The following UBE2Q1 variants were observed in gnomAD, a reference collection of about 807,000 sequenced individuals.
The protein encoded by UBE2Q1 is ubiquitin-conjugating enzyme E2 Q1.
Under a neutral mutation model 60.1 loss-of-function variants are expected in UBE2Q1, and 6 were observed. The observed-to-expected ratio is 0.10, with a 90% CI of 0.05 to 0.20. The LOEUF (loss-of-function observed/expected upper bound fraction) is 0.20. Among genes scored for constraint, UBE2Q1 ranks in the 10% least tolerant of loss-of-function variants. The pLI is 1.00. For synonymous variants in UBE2Q1, 226 were observed against 208.3 expected (o/e 1.09, Z -0.73); for missense variants, 262 against 525.8 (o/e 0.50, Z 4.91).
intron 2 of UBE2Q1, 138 bp from the exon 3 acceptor site, chr1:154,555,670 G>A: frequency 1.1e-6 from 1 of 950,426 alleles, no homozygotes; most frequent in Non-Finnish European, 1.6e-6. Flanking sequence ...GTGGGAATGA[G>A]TCTCCTGATG....
In UBE2Q1 at chr1:154,551,383, A is replaced by C; in HGVS notation, c.1170+14T>G. On this transcript the variant is annotated intron_variant, in intron 11 of 12. Transcript: ENST00000292211. ...TCCACCCAGCCCCACCAGCCCCAGG[A>C]CCAGGATCCTTACTTTGTTGGCTCC... 1.2e-6 allele frequency: 2 copies of C among 1,613,362 alleles called. No individual in the cohort carries two copies. Among genetic ancestry groups the C allele is most frequent in the Non-Finnish European group, 1.7e-6 (2 of 1,179,742 alleles).
intron 12 of UBE2Q1, 197 bp from the exon 13 acceptor site, chr1:154,550,666 G>T: frequency 1.0e-6 from 1 of 985,392 alleles, no homozygotes; most frequent in Non-Finnish European, 1.2e-6. Flanking sequence ...CCCAACCTGA[G>T]ATGATGGGAG....
Position 154,552,475 on chromosome 1 carries a change from G to A in UBE2Q1, c.815-11C>T, listed in dbSNP as rs894316227. On this transcript the variant is annotated splice_polypyrimidine_tract_variant and intron_variant, in intron 6 of 12. Transcript: ENST00000292211. ...CGACTGCATAGTTTCCTGGAAGGAG[G>A]GAAAAAACAGGTGTTAGTAGAATGG... 3 of 1,613,534 alleles carry A rather than the reference G, an allele frequency of 1.9e-6. No homozygotes were observed. Among genetic ancestry groups the A allele is most frequent in the African/African-American group, 2.7e-5 (2 of 74,852 alleles).
intron 10 of UBE2Q1, 137 bp downstream of exon 10, chr1:154,551,634 G>A (rs1234745411): frequency 1.4e-6 from 2 of 1,451,268 alleles, no homozygotes; most frequent in African/African-American, 2.8e-5. Context: ...GTCTGTCTAG[G>A]TCAGTGGGTG....
At chr1:154,551,576 T>C (rs1695790688) in intron 10 of UBE2Q1, 84 bp from the exon 11 acceptor site, 1 of 1,511,518 alleles carries the variant, frequency 6.6e-7, no homozygotes, top group South Asian at 1.1e-5. Context: ...CAATCAGCTG[T>C]GTCTATAGGA....
intron 5 of UBE2Q1, 64 bp from the exon 6 acceptor site, chr1:154,552,884 T>C (rs1695816765): frequency 1.3e-6 from 2 of 1,599,976 alleles, no homozygotes; most frequent in Non-Finnish European, 1.7e-6. Context: ...CGTTAGACCT[T>C]AGGGGCAGTC....
At chr1:154,555,608 T>C in intron 2 of UBE2Q1, 76 bp from the exon 3 acceptor site, 1 of 1,428,170 alleles carries the variant, frequency 7.0e-7, no homozygotes. Context: ...GAGCTCTTAG[T>C]TTGGGCCCCA....
chr1:154,553,140 T>C lies in UBE2Q1; in HGVS notation c.621A>G (p.Lys207=), dbSNP rs1360021848. 4 of 1,613,776 alleles carry C rather than the reference T, an allele frequency of 2.5e-6. No individual in the cohort carries two copies. In the Admixed American group the frequency reaches 6.7e-5, roughly 27 times the overall value. The change falls in exon 5 of 13, where the codon AAA becomes AAG. Residue 207 remains lysine (K), a synonymous_variant. Coordinates refer to ENST00000292211, the MANE Select transcript of UBE2Q1 (RefSeq NM_017582.7). ...DTEDLDHYEM[K]EEEPAEGKKS... ...TCTTGCCCTCAGCTGGCTCTTCCTC[T>C]TTCATTTCATAGTGATCTAAGTCTT... is the stretch of plus-strand genomic sequence containing the variant.
chr1:154,551,237 A>G (rs550612191), intron 11 of UBE2Q1, 160 bp downstream of exon 11: 2 of 859,502 alleles, frequency 2.3e-6, no homozygotes, highest in Non-Finnish European at 3.6e-6. Flanking sequence ...GGGCCAAGGC[A>G]CAGTTGTTCC....
rs963315833 is a variant in UBE2Q1 at position 154,555,485 on chromosome 1, A to G, written c.480T>C (p.Tyr160=). The G allele has an allele frequency of 2.5e-6, 4 of 1,614,136 alleles. No homozygotes were observed. The highest frequency in any genetic ancestry group is 3.4e-6 in the Non-Finnish European group (4 of 1,180,024). Residue 160 remains tyrosine, a synonymous_variant, in exon 3 of 13, where the codon TAT becomes TAC. Coordinates refer to ENST00000292211, the MANE Select transcript of UBE2Q1 (RefSeq NM_017582.7). ...KRIISDLCKL[Y]NLPQHPDVEM... ...CCACATCTGGATGCTGAGGGAGGTTATAGAGTTTACACAGGTCGGAGATGA... is the reference window on the plus strand; with the variant it reads ...CCACATCTGGATGCTGAGGGAGGTTGTAGAGTTTACACAGGTCGGAGATGA...
chr1:154,554,659 G>A, intron 4 of UBE2Q1, 76 bp downstream of exon 4: 2 of 1,440,058 alleles, frequency 1.4e-6, no homozygotes, highest in Non-Finnish European at 1.9e-6. Context: ...GTTTTAGACT[G>A]GAGTTCTGGA....
At chr1:154,554,605 G>C (rs756457618) in intron 4 of UBE2Q1, 130 bp downstream of exon 4, 33 of 952,092 alleles carry the variant, frequency 3.5e-5, no homozygotes, top group Non-Finnish European at 4.0e-5. Context: ...ATTCCTCCAG[G>C]TCAGTAAATC....
intron 1 of UBE2Q1, among the ~76,000 whole-genome samples, chr1:154,556,582 G>C (rs1452219576): frequency 6.6e-6 from 1 of 152,212 alleles, no homozygotes; most frequent in Non-Finnish European, 1.5e-5. Context: ...CCAGGCGTGG[G>C]CTGTAGGGCT....
intron 4 of UBE2Q1, 48 bp downstream of exon 4, chr1:154,554,687 C>A: frequency 6.3e-7 from 1 of 1,592,784 alleles, no homozygotes; most frequent in African/African-American, 1.3e-5. Context: ...ACCAATGTTG[C>A]TGACTGCAAG....
In UBE2Q1 at chr1:154,552,719, C is replaced by T. The variant is rs556868100; in HGVS notation, c.814+17G>A. The T allele has an allele frequency of 6.8e-6, 11 of 1,612,764 alleles. No individual in the cohort carries two copies. The Admixed American group carries it at 1.7e-4, about 25-fold the overall frequency. ...ATGGGTGACTCTTGTGCAGGCCCCT[C>T]TCTGGGGCAAACTCACCGCCTTTGA... On this transcript the variant is annotated intron_variant, in intron 6 of 12. Coordinates refer to ENST00000292211, the MANE Select transcript of UBE2Q1 (RefSeq NM_017582.7).
At chr1:154,555,121 G>A (rs906362705) in intron 3 of UBE2Q1, 1 of 543,272 alleles carries the variant, frequency 1.8e-6, no homozygotes, top group African/African-American at 1.9e-5. Flanking sequence ...TCTCACCAAG[G>A]GGCCTGGGTC....
intron 3 of UBE2Q1, 144 bp downstream of exon 3, chr1:154,555,284 A>G: frequency 2.9e-6 from 2 of 694,972 alleles, no homozygotes; most frequent in Non-Finnish European, 5.0e-6. Flanking sequence ...CATCTGGAGA[A>G]GAACGAGGGT....
rs567606873 is a variant in UBE2Q1 at position 154,550,374 on chromosome 1, T to G, written c.*64A>C. Reference sequence around the variant, plus strand: ...CCACAGAGGCAGCGTGAGATCCAAATACAGCATTCAAAGGTAATTGGTCCA... The same window carrying G: ...CCACAGAGGCAGCGTGAGATCCAAAGACAGCATTCAAAGGTAATTGGTCCA... On this transcript the variant is annotated 3_prime_UTR_variant, in exon 13 of 13. Coordinates refer to ENST00000292211, the MANE Select transcript of UBE2Q1 (RefSeq NM_017582.7). 6.8e-6 allele frequency: 11 copies of G among 1,607,158 alleles called. No individual in the cohort carries two copies. Among genetic ancestry groups the G allele is most frequent in the Non-Finnish European group, 9.4e-6 (11 of 1,174,450 alleles).
At position 154,548,805 on chromosome 1, in the gene UBE2Q1, GT is replaced by G. The variant is rs1695743034; in HGVS notation, c.*1632del. On this transcript the variant is annotated 3_prime_UTR_variant, in exon 13 of 13. Coordinates refer to ENST00000292211, the MANE Select transcript of UBE2Q1 (RefSeq NM_017582.7). ...CCCGTCTTTATCTCAACCTCAGCAT[GT>G]TTTATTAGCACCCCTAATTAGGTGG... is the stretch of plus-strand genomic sequence containing the variant. The G allele has an allele frequency of 6.6e-6, 1 of 152,636 alleles. No homozygotes were observed. The highest frequency in any genetic ancestry group is 2.4e-5 in the African/African-American group (1 of 41,438). The allele number at this position is 152,636 out of a possible 1,614,324, so 9.5% of individuals were successfully genotyped here.
Sources: allele counts gnomAD v4.1 joint callset (sites outside exome capture counted in the v4.1 genomes callset), GRCh38; gene constraint gnomAD v4.1.1; transcripts MANE v1.5; gene names NCBI Gene and HGNC (gene_info 2026-07-23, HGNC 2026-07-21).